Variants in FUT8 observed in about 807,000 individuals in gnomAD.
FUT8 encodes alpha-(1,6)-fucosyltransferase.
A neutral mutation model predicts 71.3 loss-of-function variants in FUT8; 29 were observed. The ratio of observed to expected loss-of-function variants is 0.41; its 90% CI spans 0.30 to 0.55. FUT8 has a LOEUF of 0.55. Ranked by LOEUF, FUT8 falls within the 20% of genes least tolerant of loss-of-function variation. The probability of loss-of-function intolerance (pLI) is 0.34; values close to 1 mark genes in which losing one functional copy is unlikely to be tolerated. For synonymous variants in FUT8, 254 were observed against 239.3 expected (o/e 1.06, Z -0.57); for missense variants, 544 against 702.1 (o/e 0.77, Z 2.55).
chr14:65,699,816 G>T (rs1030430262), intron 7 of FUT8, among the ~76,000 whole-genome samples: 6 of 152,000 alleles, frequency 3.9e-5, no homozygotes, highest in South Asian at 2.1e-4. Context: ...ATATTTACTG[G>T]TTTTTTTTAT....
the FUT8 span, among the ~76,000 whole-genome samples, chr14:65,379,762 G>A: frequency 1.9e-4 from 29 of 152,240 alleles, no homozygotes; most frequent in African/African-American, 5.1e-4. Flanking sequence ...ATAAACAATC[G>A]AAATTTATTT....
At chr14:65,527,202 A>C (rs908631593) in intron 2 of FUT8, among the ~76,000 whole-genome samples, 1 of 152,186 alleles carries the variant, frequency 6.6e-6, no homozygotes, top group Non-Finnish European at 1.5e-5. Context: ...AGGTATGCCA[A>C]TCAGACGTAG....
the FUT8 span, among the ~76,000 whole-genome samples, chr14:65,393,087 C>T: frequency 6.6e-6 from 1 of 152,256 alleles, no homozygotes; most frequent in South Asian, 2.1e-4. Context: ...GTGGGTGCTA[C>T]TGACACCCTC....
chr14:65,449,102 C>G (rs1481838362), intron 1 of FUT8, among the ~76,000 whole-genome samples: 1 of 152,010 alleles, frequency 6.6e-6, no homozygotes, highest in Non-Finnish European at 1.5e-5. Context: ...ATAAATAGAT[C>G]CTTTTAATTG....
chr14:65,566,082 G>A (rs1000286416), intron 3 of FUT8, among the ~76,000 whole-genome samples: 1 of 151,892 alleles, frequency 6.6e-6, no homozygotes, highest in Non-Finnish European at 1.5e-5. Flanking sequence ...TCATGTGGCT[G>A]CAGTCATCTG....
In FUT8 at chr14:65,467,559, C is replaced by T. The variant is rs2066063497; in HGVS notation, c.-228+11841C>T. ...TGGTGTGATCTTGGCTCACTGCAAC[C>T]TCCACCTCCTGGGTTCAAGCGATCC... On this transcript the variant is annotated intron_variant, in intron 2 of 10. Coordinates refer to ENST00000673929, the MANE Select transcript of FUT8 (RefSeq NM_001371533.1). This position sits in a 1 kb window ranked among gnomAD's most constrained non-coding sequence, Gnocchi z 4.1. Among the ~76,000 whole-genome samples the T allele has an allele frequency of 6.6e-6, 1 of 152,148 alleles. No individual in the cohort carries two copies. The highest frequency in any genetic ancestry group is 6.5e-5 in the Admixed American group (1 of 15,282).
Position 65,572,507 on chromosome 14 carries a change from C to T in FUT8, c.203+10741C>T, listed in dbSNP as rs1257367224. The stretch of plus-strand genomic sequence containing the variant: ...GCTTCATATTCCACATTCTTAATCA[C>T]GTTGGTATGGTGGCTCTAAAAGTCA... On this transcript the variant is annotated intron_variant, in intron 3 of 10. Coordinates refer to ENST00000673929, the MANE Select transcript of FUT8 (RefSeq NM_001371533.1). Among the ~76,000 whole-genome samples the T allele has an allele frequency of 2.6e-5, 4 of 152,122 alleles. No homozygotes were observed. The East Asian group carries it at 7.7e-4, about 29-fold the overall frequency.
intron 2 of FUT8, among the ~76,000 whole-genome samples, chr14:65,517,846 G>A (rs1053953333): frequency 3.3e-5 from 5 of 152,164 alleles, no homozygotes; most frequent in Non-Finnish European, 7.3e-5. Flanking sequence ...CTACATATAT[G>A]TTTCAAGGTT....
upstream of FUT8, chr14:65,411,570 C>G (rs2139336047): frequency 5.7e-6 from 1 of 174,218 alleles, no homozygotes; most frequent in African/African-American, 2.4e-5. Context: ...CCTCTTAAAT[C>G]TCCTTTCTGT....
At chr14:65,463,856 G>A (rs2066002041) in intron 2 of FUT8, among the ~76,000 whole-genome samples, 1 of 152,176 alleles carries the variant, frequency 6.6e-6, no homozygotes, top group Non-Finnish European at 1.5e-5. Context: ...GGTAAAGATT[G>A]AAAAAGATGG....
At chr14:65,510,217 A>G (rs1335323566) in intron 2 of FUT8, among the ~76,000 whole-genome samples, 1 of 151,994 alleles carries the variant, frequency 6.6e-6, no homozygotes, top group East Asian at 1.9e-4. Flanking sequence ...TCATTTGTTG[A>G]TACGATATAT....
the FUT8 span, among the ~76,000 whole-genome samples, chr14:65,383,731 T>C: frequency 6.6e-6 from 1 of 152,238 alleles, no homozygotes; most frequent in Admixed American, 6.5e-5. Context: ...TGTCTTTGCG[T>C]ATACTATTCT....
chr14:65,370,853 G>T, the FUT8 span, among the ~76,000 whole-genome samples: 4 of 152,284 alleles, frequency 2.6e-5, no homozygotes, highest in East Asian at 7.7e-4. Flanking sequence ...CTCAAAGTGG[G>T]TGGCTAAAAC....
rs1179516481 is a variant in FUT8 at position 65,743,342 on chromosome 14, A to G, written c.*932A>G. ...ACTGAAAACCAATTTTCATTGGTAC[A>G]CATTACAAAATTGCTAAGAACACTG... On this transcript the variant is annotated 3_prime_UTR_variant, in exon 11 of 11. Transcript: ENST00000673929. The G allele has an allele frequency of 6.6e-6, 1 of 151,930 alleles. No homozygotes were observed. The highest frequency in any genetic ancestry group is 1.5e-5 in the Non-Finnish European group (1 of 67,920). The allele number at this position is 151,930 out of a possible 1,614,324, so 9.4% of individuals were successfully genotyped here.
At chr14:65,416,439 T>G (rs919935325) in intron 1 of FUT8, among the ~76,000 whole-genome samples, 1 of 152,084 alleles carries the variant, frequency 6.6e-6, no homozygotes, top group African/African-American at 2.4e-5. Flanking sequence ...AGGCATGTGC[T>G]ACCACAGCCA....
chr14:65,361,356 CAAAA>C, the FUT8 span, among the ~76,000 whole-genome samples: 1 of 64,962 alleles, frequency 1.5e-5, no homozygotes, highest in Non-Finnish European at 3.2e-5. Flanking sequence ...AACTCTGTCT[CAAAA>C]AAAAAAAAAA....
At chr14:65,665,418 T>G (rs1471168984) in intron 6 of FUT8, among the ~76,000 whole-genome samples, 1 of 151,998 alleles carries the variant, frequency 6.6e-6, no homozygotes, top group Admixed American at 6.6e-5. Context: ...ATGTTCTGAG[T>G]GATGAATAAG....
chr14:65,511,871 G>A (rs1172765291), intron 2 of FUT8, among the ~76,000 whole-genome samples: 1 of 152,038 alleles, frequency 6.6e-6, no homozygotes, highest in African/African-American at 2.4e-5. Context: ...TCTTGTGATT[G>A]GTGAGTTTAG....
At chr14:65,683,538 G>A (rs8006840) in intron 7 of FUT8, among the ~76,000 whole-genome samples, 149,883 of 152,328 alleles carry the variant, frequency 0.98, 73,802 homozygotes, top group Middle Eastern at 1. Context: ...TAATAACACT[G>A]CCATGAAAGA....
Sources: allele counts gnomAD v4.1 joint callset (sites outside exome capture counted in the v4.1 genomes callset), GRCh38; gene constraint gnomAD v4.1.1; non-coding constraint Gnocchi (gnomAD v3.1); transcripts MANE v1.5; gene names NCBI Gene and HGNC (gene_info 2026-07-23, HGNC 2026-07-21).